The following KAZN variants were observed in gnomAD, a reference collection of about 807,000 sequenced individuals.
The protein encoded by KAZN is kazrin, periplakin interacting protein, also known as kazrin.
A neutral mutation model predicts 87.4 loss-of-function variants in KAZN; 40 were observed. That is an observed-to-expected ratio of 0.46 (90% CI 0.36 to 0.60). The LOEUF is 0.60. KAZN is among the 20% of genes least tolerant of loss of function. KAZN has a pLI of 0.00. For synonymous variants in KAZN, 466 were observed against 458.3 expected (o/e 1.02, Z -0.22); for missense variants, 898 against 1,073.9 (o/e 0.84, Z 2.29).
chr1:14,462,737 G>T (rs1163521627), intron 2 of KAZN, among the ~76,000 whole-genome samples: 1 of 152,136 alleles, frequency 6.6e-6, no homozygotes, highest in Non-Finnish European at 1.5e-5. Context: ...GAGAGTTTGT[G>T]CAGGGGAACT....
rs566374500 is a variant in KAZN at position 14,604,786 on chromosome 1, T to C, written c.226+5563T>C. On this transcript the variant is annotated intron_variant, in intron 1 of 14. Coordinates refer to ENST00000376030, the MANE Select transcript of KAZN (RefSeq NM_201628.3). Reference sequence around the variant, plus strand: ...CCTGCCCCTTTACTTTCTGATGAATTGAGACCTCAGCACAGGAGCTCAGAT... The same window carrying C: ...CCTGCCCCTTTACTTTCTGATGAATCGAGACCTCAGCACAGGAGCTCAGAT... Among the ~76,000 whole-genome samples the C allele has an allele frequency of 2.6e-5, 4 of 152,292 alleles. No homozygotes were observed. In the East Asian group the frequency reaches 5.8e-4, roughly 22 times the overall value.
intron 1 of KAZN, among the ~76,000 whole-genome samples, chr1:14,943,142 G>C (rs1312643251): frequency 6.6e-6 from 1 of 151,116 alleles, no homozygotes; most frequent in African/African-American, 2.4e-5. Context: ...GGCATGCAGA[G>C]TGGAAACAGC....
At chr1:14,049,468 AAAAC>A (rs757476878) in intron 1 of KAZN, among the ~76,000 whole-genome samples, 128 of 152,294 alleles carry the variant, frequency 8.4e-4, no homozygotes, top group Admixed American at 1.2e-3. Context: ...AAGTATAATT[AAAAC>A]AAACAAACAA....
At chr1:14,016,315 G>A (rs2101221696) in intron 1 of KAZN, among the ~76,000 whole-genome samples, 1 of 152,302 alleles carries the variant, frequency 6.6e-6, no homozygotes, top group Admixed American at 6.5e-5. Flanking sequence ...CACAATGTGG[G>A]TGATCTAATA....
chr1:14,124,973 G>A (rs1269970847), intron 1 of KAZN, among the ~76,000 whole-genome samples: 1 of 152,178 alleles, frequency 6.6e-6, no homozygotes, highest in Admixed American at 6.5e-5. Flanking sequence ...GCGGCTCTGA[G>A]GGAAATGAAA....
At chr1:15,083,047 C>T (rs76883479) in intron 8 of KAZN, among the ~76,000 whole-genome samples, 1 of 152,256 alleles carries the variant, frequency 6.6e-6, no homozygotes, top group East Asian at 1.9e-4. Context: ...TGGGATGGAC[C>T]ACGTGACCTT....
chr1:14,341,253 G>A (rs530697000), intron 2 of KAZN, among the ~76,000 whole-genome samples: 1 of 152,116 alleles, frequency 6.6e-6, no homozygotes, highest in African/African-American at 2.4e-5. Context: ...AAAAGATTAG[G>A]CACTCATCTG....
At chr1:14,387,653 A>T (rs1427427657) in intron 2 of KAZN, among the ~76,000 whole-genome samples, 2 of 152,228 alleles carry the variant, frequency 1.3e-5, no homozygotes, top group East Asian at 3.9e-4. Flanking sequence ...GACCCACTTG[A>T]GGAGGCAGTC....
intron 2 of KAZN, among the ~76,000 whole-genome samples, chr1:14,427,769 G>A (rs61771869): frequency 0.013 from 2,005 of 152,258 alleles, 17 homozygotes; most frequent in Non-Finnish European, 0.022. Context: ...TCACCACAAA[G>A]CAAAATTATA....
intron 1 of KAZN, among the ~76,000 whole-genome samples, chr1:13,976,371 A>G (rs1241224328): frequency 6.6e-6 from 1 of 152,196 alleles, no homozygotes; most frequent in Non-Finnish European, 1.5e-5. Context: ...TCAAGAACTC[A>G]TCAGATGAAA....
intron 1 of KAZN, among the ~76,000 whole-genome samples, chr1:14,884,957 C>T (rs913327401): frequency 6.6e-6 from 1 of 152,158 alleles, no homozygotes; most frequent in Non-Finnish European, 1.5e-5. Context: ...TGGCAGAGAT[C>T]GAGCATCACG....
intron 1 of KAZN, among the ~76,000 whole-genome samples, chr1:14,875,550 T>G (rs1444618207): frequency 6.6e-6 from 1 of 151,144 alleles, no homozygotes; most frequent in African/African-American, 2.4e-5. Flanking sequence ...CTTCTCCTAA[T>G]AGTGAAAATC....
At chr1:14,350,064 G>A (rs919420701) in intron 2 of KAZN, among the ~76,000 whole-genome samples, 1 of 151,132 alleles carries the variant, frequency 6.6e-6, no homozygotes, top group Non-Finnish European at 1.5e-5. Flanking sequence ...AACCTGGGAG[G>A]CGGAGCTTGC....
At chr1:14,485,384 G>A (rs1215220314) in intron 2 of KAZN, among the ~76,000 whole-genome samples, 1 of 152,186 alleles carries the variant, frequency 6.6e-6, no homozygotes, top group Non-Finnish European at 1.5e-5. Flanking sequence ...CTCCAGAGGT[G>A]GGGCTCAGAC....
At chr1:15,049,635 T>C (rs1276330993) in intron 4 of KAZN, among the ~76,000 whole-genome samples, 3 of 152,224 alleles carry the variant, frequency 2.0e-5, no homozygotes, top group African/African-American at 7.2e-5. Context: ...TGTTTGAGTC[T>C]AGCAGAGTCC....
At chr1:14,623,256 A>T (rs1022554149) in intron 1 of KAZN, among the ~76,000 whole-genome samples, 1 of 152,226 alleles carries the variant, frequency 6.6e-6, no homozygotes, top group Non-Finnish European at 1.5e-5. Context: ...AGGAAAATGT[A>T]GTACATGCAC....
intron 1 of KAZN, among the ~76,000 whole-genome samples, chr1:13,962,576 G>C (rs1305535780): frequency 6.6e-6 from 1 of 151,882 alleles, no homozygotes; most frequent in African/African-American, 2.4e-5. Flanking sequence ...TTTTCTTTTT[G>C]AGATGGAGTC....
intron 1 of KAZN, among the ~76,000 whole-genome samples, chr1:14,122,432 T>C (rs1024150922): frequency 1.1e-4 from 16 of 152,124 alleles, no homozygotes; most frequent in Admixed American, 2.6e-4. Context: ...GCACACTGCT[T>C]TTTGACAGAC....
intron 1 of KAZN, among the ~76,000 whole-genome samples, chr1:14,145,507 C>T (rs1645328428): frequency 6.6e-6 from 1 of 152,048 alleles, no homozygotes. Context: ...TTTATTTTTA[C>T]TTTTCCCATA....
Sources: gnomAD v4.1 joint callset for allele counts (sites outside exome capture counted in the v4.1 genomes callset) on GRCh38, gnomAD v4.1.1 for gene constraint, MANE v1.5 for transcripts, NCBI Gene and HGNC (gene_info 2026-07-23, HGNC 2026-07-21) for gene names.